BATF3: variants seen among roughly 807,000 people sequenced by gnomAD.
BATF3 encodes the protein basic leucine zipper transcriptional factor ATF-like 3.
A neutral mutation model predicts 16.1 loss-of-function variants in BATF3; 8 were observed. The observed-to-expected ratio is 0.50, with a 90% CI of 0.29 to 0.90. BATF3 has a LOEUF of 0.90. Ranked by LOEUF, BATF3 falls within the 40% of genes least tolerant of loss-of-function variation. The probability of loss-of-function intolerance (pLI) is 0.08; values close to 1 mark genes in which losing one functional copy is unlikely to be tolerated. For missense variants in BATF3, 139 were observed against 167.0 expected (o/e 0.83, Z 0.92); for synonymous variants, 74 against 72.7 (o/e 1.02, Z -0.09).
In BATF3 at chr1:212,686,867, G is replaced by A; in HGVS notation, c.308C>T (p.Pro103Leu). ...AAAGTTCATAGGGCAGAGCAGCAGC[G>A]GGCACATCTTCTCGTGCTCCTTCAG... ...EALKEHEKMC[P>L]LLLCPMNFVP... Residue 103 changes from proline to leucine, a missense_variant, in exon 3 of 3, where the codon CCG becomes CTG. Physicochemically the swap from Pro to Leu is moderately conservative, Grantham distance 98 (BLOSUM62 -3). Coordinates refer to ENST00000243440, the MANE Select transcript of BATF3 (RefSeq NM_018664.3). The A allele has an allele frequency of 7.4e-6, 12 of 1,614,174 alleles. No homozygotes were observed. The highest frequency in any genetic ancestry group is 9.3e-6 in the Non-Finnish European group (11 of 1,180,032).
chr1:212,695,290 C>T (rs1273859937), intron 2 of BATF3, among the ~76,000 whole-genome samples: 10 of 151,934 alleles, frequency 6.6e-5, no homozygotes, highest in African/African-American at 2.2e-4. Context: ...GTGAGGAGTT[C>T]GAGACCAGCC....
At position 212,689,735 on chromosome 1, in the gene BATF3, ACT is replaced by A. The variant is rs1656950668; in HGVS notation, c.196-2758_196-2757del. 6.6e-6 allele frequency among the ~76,000 whole-genome samples: 1 copy of A among 151,342 alleles called. No individual in the cohort carries two copies. The highest frequency in any genetic ancestry group is 2.1e-4 in the South Asian group (1 of 4,792). On this transcript the variant is annotated intron_variant, in intron 2 of 2. Transcript: ENST00000243440. The surrounding 1 kb of genome is among the most constrained non-coding windows in gnomAD (Gnocchi z 4.6). ...CACACACTCTCATACACATTCACACACTCTTACACACATACACATATACACAC... is the reference window on the plus strand; with the variant it reads ...CACACACTCTCATACACATTCACACACTTACACACATACACATATACACAC...
chr1:212,695,869 A>T (rs533773527), intron 2 of BATF3, among the ~76,000 whole-genome samples: 16 of 152,336 alleles, frequency 1.1e-4, no homozygotes, highest in Admixed American at 2.6e-4. Flanking sequence ...GATAAATCCT[A>T]GGCTTCTGAT....
intron 2 of BATF3, among the ~76,000 whole-genome samples, chr1:212,696,491 T>TTGTG (rs1657135284): frequency 6.6e-6 from 1 of 150,526 alleles, no homozygotes; most frequent in Non-Finnish European, 1.5e-5. Context: ...GTGTGTTTGT[T>TTGTG]TGTGTGTATA....
chr1:212,696,237 G>A (rs550652220), intron 2 of BATF3, among the ~76,000 whole-genome samples: 7 of 152,194 alleles, frequency 4.6e-5, no homozygotes, highest in South Asian at 2.1e-4. Context: ...GAAAAAAATC[G>A]GCGAAGAGGG....
At chr1:212,688,600 C>T (rs577785897) in intron 2 of BATF3, among the ~76,000 whole-genome samples, 1 of 152,322 alleles carries the variant, frequency 6.6e-6, no homozygotes, top group East Asian at 1.9e-4. Context: ...TCAATTGCAT[C>T]GTCTCATGAA....
intron 2 of BATF3, 101 bp downstream of exon 2, chr1:212,696,860 T>C (rs1657144345): frequency 2.4e-6 from 2 of 847,284 alleles, no homozygotes; most frequent in South Asian, 3.0e-5. Flanking sequence ...TAGATATGAG[T>C]GTTGCTGAAA....
chr1:212,687,011 T>G, intron 2 of BATF3, 32 bp from the exon 3 acceptor site: 1 of 1,389,310 alleles, frequency 7.2e-7, no homozygotes, highest in Non-Finnish European at 1.0e-6. Flanking sequence ...AAATCATTTC[T>G]GGTGCAGCGT....
intron 2 of BATF3, among the ~76,000 whole-genome samples, chr1:212,695,397 G>C (rs1657101739): frequency 7.0e-6 from 1 of 142,984 alleles, no homozygotes; most frequent in African/African-American, 2.6e-5. Flanking sequence ...GGGAGGCTAA[G>C]GCAGGAGAAT....
chr1:212,694,152 A>C (rs931002811), intron 2 of BATF3, among the ~76,000 whole-genome samples: 1 of 152,216 alleles, frequency 6.6e-6, no homozygotes, highest in Non-Finnish European at 1.5e-5. Flanking sequence ...GCCCAGGAAC[A>C]CTGAAGCCTC....
intron 2 of BATF3, among the ~76,000 whole-genome samples, chr1:212,688,001 AAGGAAGG>A (rs1558019186): frequency 0.018 from 1,823 of 99,466 alleles, 47 homozygotes; most frequent in African/African-American, 0.055. Context: ...GAAAGAAAGG[AAGGAAGG>A]AAGGAAGGAA....
In BATF3 at chr1:212,688,186, T is replaced by C. The variant is rs1027441557; in HGVS notation, c.196-1207A>G. ...CTAGTAGATCCAATGCTTTTTTCAA[T>C]ATCGCAGTTCTTGAAATGTTAGGAT... On this transcript the variant is annotated intron_variant, in intron 2 of 2. Coordinates refer to ENST00000243440, the MANE Select transcript of BATF3 (RefSeq NM_018664.3). Among the ~76,000 whole-genome samples the C allele has an allele frequency of 2.0e-5, 3 of 152,190 alleles. No homozygotes were observed. In the East Asian group the frequency reaches 5.8e-4, roughly 29 times the overall value.
At position 212,699,634 on chromosome 1, in the gene BATF3, C is replaced by T; in HGVS notation, c.90+39G>A. The T allele has an allele frequency of 7.9e-7, 1 of 1,273,518 alleles. No individual in the cohort carries two copies. The highest frequency in any genetic ancestry group is 9.9e-7 in the Non-Finnish European group (1 of 1,008,208). 78.9% of individuals were successfully genotyped at this position (1,273,518 alleles called of 1,614,324 possible). A position where few individuals can be genotyped will look rare whatever the true frequency, so the allele number is the denominator to read the frequency against. On this transcript the variant is annotated intron_variant, in intron 1 of 2. Transcript: ENST00000243440. The surrounding 1 kb of genome is among the most constrained non-coding windows in gnomAD (Gnocchi z 4.4). ...CTCGCCCCCCGCGGCGCGCCGGTCC[C>T]CGCACCCCACGGCCCTCCCTGAGCC...
chr1:212,693,914 C>T (rs1490698374), intron 2 of BATF3, among the ~76,000 whole-genome samples: 3 of 152,186 alleles, frequency 2.0e-5, no homozygotes, highest in African/African-American at 7.2e-5. Flanking sequence ...CTTGAACCTG[C>T]GACTATGTCA....
At chr1:212,696,660 G>C (rs1417921248) in intron 2 of BATF3, among the ~76,000 whole-genome samples, 1 of 152,076 alleles carries the variant, frequency 6.6e-6, no homozygotes, top group African/African-American at 2.4e-5. Context: ...AACAAAACAG[G>C]AAGTAAGGAC....
intron 2 of BATF3, 63 bp downstream of exon 2, chr1:212,696,898 C>T (rs1657146159): frequency 1.6e-6 from 2 of 1,217,500 alleles, no homozygotes; most frequent in Non-Finnish European, 2.4e-6. Flanking sequence ...GTCATCACCC[C>T]CACTCCCGTG....
intron 2 of BATF3, 150 bp from the exon 3 acceptor site, chr1:212,687,129 G>C (rs1656867770): frequency 1.6e-6 from 1 of 634,902 alleles, no homozygotes; most frequent in Admixed American, 2.6e-5. Context: ...TTGTCTATTT[G>C]ATGAGTGTCT....
chr1:212,696,367 T>A (rs1380325027), intron 2 of BATF3, among the ~76,000 whole-genome samples: 1 of 151,232 alleles, frequency 6.6e-6, no homozygotes, highest in East Asian at 1.9e-4. Flanking sequence ...AGAAAGAGAG[T>A]CCTGGATAGG....
In BATF3 at chr1:212,699,772, T is replaced by A; in HGVS notation, c.-10A>T. On this transcript the variant is annotated 5_prime_UTR_variant, in exon 1 of 3. Coordinates refer to ENST00000243440, the MANE Select transcript of BATF3 (RefSeq NM_018664.3). This position sits in a 1 kb window ranked among gnomAD's most constrained non-coding sequence, Gnocchi z 4.4. Reference sequence around the variant, plus strand: ...GGAGCCCTTGCGACATGCCGGGCGCTCCTCTGGCCCGGCCCGCCCCGCCCC... The same window carrying A: ...GGAGCCCTTGCGACATGCCGGGCGCACCTCTGGCCCGGCCCGCCCCGCCCC... 1 of 1,238,452 alleles carries A rather than the reference T, an allele frequency of 8.1e-7. No homozygotes were observed. Among genetic ancestry groups the A allele is most frequent in the South Asian group, 2.9e-5 (1 of 34,222 alleles). The allele number at this position is 1,238,452 out of a possible 1,614,324, so 76.7% of individuals were successfully genotyped here.
Sources: allele counts gnomAD v4.1 joint callset (sites outside exome capture counted in the v4.1 genomes callset), GRCh38; gene constraint gnomAD v4.1.1; non-coding constraint Gnocchi (gnomAD v3.1); transcripts MANE v1.5; gene names NCBI Gene and HGNC (gene_info 2026-07-23, HGNC 2026-07-21).